PUM2: variants seen among roughly 807,000 people sequenced by gnomAD.
PUM2 encodes the protein pumilio homolog 2.
In PUM2, 57 loss-of-function variants were observed where a neutral mutation model predicts 124.5. The ratio of observed to expected loss-of-function variants is 0.46; its 90% CI spans 0.37 to 0.57. The LOEUF (loss-of-function observed/expected upper bound fraction) is 0.57, where lower values mean the gene tolerates loss of function less well. Ranked by LOEUF, PUM2 falls within the 20% of genes least tolerant of loss-of-function variation. The probability of loss-of-function intolerance (pLI) is 0.00; values close to 1 mark genes in which losing one functional copy is unlikely to be tolerated. For missense variants in PUM2, 1,065 were observed against 1,290.6 expected (o/e 0.83, Z 2.68); for synonymous variants, 460 against 446.1 (o/e 1.03, Z -0.39).
intron 19 of PUM2, 101 bp downstream of exon 19, chr2:20,254,762 A>T: frequency 1.6e-6 from 2 of 1,216,008 alleles, no homozygotes; most frequent in Non-Finnish European, 2.2e-6. Flanking sequence ...AAAAAAAAAG[A>T]CTACAGTTTA....
chr2:20,297,333 C>G (rs1012059733), intron 8 of PUM2, among the ~76,000 whole-genome samples: 1 of 152,110 alleles, frequency 6.6e-6, no homozygotes, highest in Non-Finnish European at 1.5e-5. Flanking sequence ...GAAATGTAAG[C>G]CAATTACGTA....
intron 8 of PUM2, 108 bp from the exon 9 acceptor site, chr2:20,294,626 G>C: frequency 8.0e-7 from 1 of 1,249,792 alleles, no homozygotes; most frequent in South Asian, 1.6e-5. Flanking sequence ...AAGACTTAGA[G>C]AAGAACATGT....
At chr2:20,273,849 A>C (rs1669576635) in intron 13 of PUM2, among the ~76,000 whole-genome samples, 1 of 152,176 alleles carries the variant, frequency 6.6e-6, no homozygotes, top group African/African-American at 2.4e-5. Context: ...ATTTTTATCT[A>C]AATCTCAAGA....
chr2:20,258,313 G>T lies in PUM2; in HGVS notation c.2414C>A (p.Pro805His). The T allele has an allele frequency of 5.0e-6, 8 of 1,612,336 alleles. No homozygotes were observed. The highest frequency in any genetic ancestry group is 6.8e-6 in the Non-Finnish European group (8 of 1,178,784). The part of the protein sequence containing the change: ...LATRIRGHVL[P>H]LALQMYGCRV... Reference sequence around the variant, plus strand: ...GCAGCCATACATCTGCAAGGCTAAGGGTAGAACATGACCACGAATACGAGT... The same window carrying T: ...GCAGCCATACATCTGCAAGGCTAAGTGTAGAACATGACCACGAATACGAGT... The change falls in exon 16 of 21, where the codon CCC (proline) becomes CAC (histidine). Residue 805 changes from proline to histidine, a missense_variant. This residue lies in a region of PUM2 where 968 missense variants were observed against 1,159.8 expected (regional missense o/e 0.83). Transcript: ENST00000361078.
chr2:20,291,198 A>G (rs1673987261), intron 9 of PUM2, among the ~76,000 whole-genome samples: 1 of 152,232 alleles, frequency 6.6e-6, no homozygotes, highest in South Asian at 2.1e-4. Flanking sequence ...CCTGGAAGAC[A>G]TGCCTTAGAG....
chr2:20,274,801 G>A (rs1340824706), intron 13 of PUM2, among the ~76,000 whole-genome samples: 1 of 151,142 alleles, frequency 6.6e-6, no homozygotes, highest in Admixed American at 6.6e-5. Flanking sequence ...ATTACTATGA[G>A]CACAAAGACT....
intron 20 of PUM2, 99 bp from the exon 21 acceptor site, chr2:20,251,815 C>A: frequency 1.4e-6 from 2 of 1,384,214 alleles, no homozygotes; most frequent in Non-Finnish European, 2.0e-6. Context: ...GGAATAACTG[C>A]AATTAAAAAA....
chr2:20,306,293 C>T (rs1393465370), intron 7 of PUM2, among the ~76,000 whole-genome samples: 1 of 152,146 alleles, frequency 6.6e-6, no homozygotes, highest in East Asian at 1.9e-4. Context: ...TAAATTACAA[C>T]ATTTAATCCT....
chr2:20,330,699 G>A (rs901156564), intron 1 of PUM2, among the ~76,000 whole-genome samples: 2 of 152,194 alleles, frequency 1.3e-5, no homozygotes, highest in Admixed American at 6.5e-5. Flanking sequence ...GCTTCCCTGA[G>A]TTCTGTGAAC....
At chr2:20,264,360 AAAAAAAAATATAT>A (rs1667067644) in intron 13 of PUM2, among the ~76,000 whole-genome samples, 2 of 79,016 alleles carry the variant, frequency 2.5e-5, no homozygotes, top group African/African-American at 1.0e-4. Flanking sequence ...AAAAAAAAAA[AAAAAAAAATATAT>A]ATATATATAT....
chr2:20,301,958 A>G (rs943275597), intron 7 of PUM2, among the ~76,000 whole-genome samples: 1 of 152,232 alleles, frequency 6.6e-6, no homozygotes. Context: ...CTACTTTTAT[A>G]TATTTAGATG....
In PUM2 at chr2:20,258,317, G is replaced by A. The variant is rs781774525; in HGVS notation, c.2410C>T (p.Leu804=). 1.6e-5 allele frequency: 26 copies of A among 1,612,330 alleles called. 1 individual carries two copies. The South Asian group carries it at 2.9e-4, about 18-fold the overall frequency. Residue 804 remains leucine (L), a synonymous_variant, in exon 16 of 21, where the codon CTA becomes TTA. Transcript: ENST00000361078. ...ALATRIRGHV[L]PLALQMYGCR... is the part of the protein sequence containing the mutation. ...CCATACATCTGCAAGGCTAAGGGTA[G>A]AACATGACCACGAATACGAGTAGCC...
At chr2:20,348,039 A>G (rs1373774008) in intron 1 of PUM2, among the ~76,000 whole-genome samples, 1 of 152,138 alleles carries the variant, frequency 6.6e-6, no homozygotes, top group Non-Finnish European at 1.5e-5. Flanking sequence ...AAAAACAGCA[A>G]GGGTCTGGCA....
rs565499434 is a variant in PUM2 at position 20,290,571 on chromosome 2, A to T, written c.1291+81T>A. On this transcript the variant is annotated intron_variant, in intron 10 of 20. Coordinates refer to ENST00000361078, the MANE Select transcript of PUM2 (RefSeq NM_015317.5). ...TAGGCAAGATTTTAAATACAGTTTG[A>T]TTTTTTTCACTCTTCAGTGTGAGTA... is the stretch of plus-strand genomic sequence containing the variant. The T allele has an allele frequency of 9.4e-6, 13 of 1,382,354 alleles. No individual in the cohort carries two copies. In the South Asian group the frequency reaches 2.1e-4, roughly 23 times the overall value. 85.6% of individuals were successfully genotyped at this position (1,382,354 alleles called of 1,614,324 possible). A position where few individuals can be genotyped will look rare whatever the true frequency, so the allele number is the denominator to read the frequency against.
At chr2:20,299,361 G>C (rs1676407162) in intron 7 of PUM2, among the ~76,000 whole-genome samples, 2 of 151,994 alleles carry the variant, frequency 1.3e-5, no homozygotes, top group Admixed American at 1.3e-4. Flanking sequence ...TGGCATGAGA[G>C]TAGAGGAAAA....
intron 7 of PUM2, among the ~76,000 whole-genome samples, chr2:20,306,959 A>G (rs1308382089): frequency 6.7e-6 from 1 of 149,916 alleles, no homozygotes; most frequent in East Asian, 2.1e-4. Flanking sequence ...CACACCTGCA[A>G]TCCCAGCACT....
chr2:20,284,459 G>A (rs1672259534), intron 10 of PUM2, among the ~76,000 whole-genome samples: 1 of 152,214 alleles, frequency 6.6e-6, no homozygotes, highest in South Asian at 2.1e-4. Flanking sequence ...GGGCTTACAT[G>A]ATCCTCCCGC....
intron 10 of PUM2, among the ~76,000 whole-genome samples, chr2:20,288,461 A>G (rs1673228489): frequency 6.6e-6 from 1 of 152,272 alleles, no homozygotes; most frequent in Non-Finnish European, 1.5e-5. Context: ...GGGATAGAGT[A>G]TAAATTTTGA....
intron 7 of PUM2, among the ~76,000 whole-genome samples, chr2:20,303,436 T>G (rs1171511048): frequency 8.8e-5 from 5 of 57,116 alleles, no homozygotes; most frequent in African/African-American, 3.0e-4. Flanking sequence ...AGCTTTCAAG[T>G]TTTTTTTTTT....
Sources: gnomAD v4.1 joint callset for allele counts (sites outside exome capture counted in the v4.1 genomes callset) on GRCh38, gnomAD v4.1.1 for gene constraint, gnomAD v4.1.1 regional missense constraint, MANE v1.5 for transcripts, NCBI Gene and HGNC (gene_info 2026-07-23, HGNC 2026-07-21) for gene names.